Variants in NAV2 observed in about 807,000 individuals in gnomAD.
The protein encoded by NAV2 is neuron navigator 2.
Under a neutral mutation model 223.2 loss-of-function variants are expected in NAV2, and 54 were observed. That is an observed-to-expected ratio of 0.24 (90% CI 0.19 to 0.30). NAV2 has a LOEUF of 0.30. NAV2 is among the 10% of genes least tolerant of loss of function. NAV2 has a pLI of 1.00. For synonymous variants in NAV2, 1,279 were observed against 1,239.3 expected (o/e 1.03, Z -0.67); for missense variants, 2,806 against 3,147.5 (o/e 0.89, Z 2.60).
At chr11:19,903,502 G>A (rs368133978) in intron 6 of NAV2, among the ~76,000 whole-genome samples, 64 of 152,146 alleles carry the variant, frequency 4.2e-4, no homozygotes, top group South Asian at 2.1e-3. Flanking sequence ...CTTCATAAGA[G>A]CAAAGGTAAA....
rs984830878 is a variant in NAV2 at position 20,114,477 on chromosome 11, T to C, written c.6961-115T>C. The C allele has an allele frequency of 4.6e-6, 4 of 871,714 alleles. No individual in the cohort carries two copies. The African/African-American group carries it at 6.7e-5, about 14-fold the overall frequency. 54.0% of individuals were successfully genotyped at this position (871,714 alleles called of 1,614,324 possible). A position where few individuals can be genotyped will look rare whatever the true frequency, so the allele number is the denominator to read the frequency against. ...GAGCATGGAATAGAAGTGGAATTACTCCATCAGGGAAGGCATGATGCTGGA... is the reference window on the plus strand; with the variant it reads ...GAGCATGGAATAGAAGTGGAATTACCCCATCAGGGAAGGCATGATGCTGGA... On this transcript the variant is annotated intron_variant, in intron 36 of 37. Coordinates refer to ENST00000349880, the MANE Select transcript of NAV2 (RefSeq NM_145117.5).
At chr11:19,716,829 G>A (rs942224871) in intron 1 of NAV2, among the ~76,000 whole-genome samples, 1 of 152,082 alleles carries the variant, frequency 6.6e-6, no homozygotes, top group African/African-American at 2.4e-5. Context: ...CTTTCTATGT[G>A]CCAGGAATTG....
At chr11:19,385,090 C>T (rs1203635970) in intron 1 of NAV2, 1 of 152,134 alleles carries the variant, frequency 6.6e-6, no homozygotes, top group Non-Finnish European at 1.5e-5. Context: ...AGTTCCACAG[C>T]CTTGATAATA....
chr11:19,504,800 A>G (rs776698495), intron 1 of NAV2: 1 of 152,224 alleles, frequency 6.6e-6, no homozygotes. Context: ...AGGAAAAAGT[A>G]ATTCACATTT....
intron 1 of NAV2, among the ~76,000 whole-genome samples, chr11:19,732,310 C>T (rs552324593): frequency 4.0e-5 from 6 of 151,802 alleles, no homozygotes; most frequent in Non-Finnish European, 7.4e-5. Context: ...GCCTGGGTTT[C>T]AGCGCCATCT....
At chr11:19,372,802 G>A (rs1484478771) in intron 1 of NAV2, among the ~76,000 whole-genome samples, 1 of 152,188 alleles carries the variant, frequency 6.6e-6, no homozygotes, top group African/African-American at 2.4e-5. Flanking sequence ...TCAGCACTAC[G>A]CTCTAATTAT....
intron 1 of NAV2, among the ~76,000 whole-genome samples, chr11:19,553,142 G>A (rs1375578784): frequency 2.0e-5 from 3 of 152,200 alleles, no homozygotes; most frequent in Non-Finnish European, 4.4e-5. Flanking sequence ...GCCGGGCTCA[G>A]AAGGACTCTT....
chr11:19,865,293 G>T (rs1194192230), intron 3 of NAV2, among the ~76,000 whole-genome samples: 2 of 152,188 alleles, frequency 1.3e-5, no homozygotes, highest in South Asian at 4.1e-4. Flanking sequence ...TGCTGGGGCT[G>T]TTCCCCTCTT....
chr11:19,359,757 C>T (rs998861192), intron 1 of NAV2, among the ~76,000 whole-genome samples: 4 of 152,184 alleles, frequency 2.6e-5, no homozygotes, highest in Non-Finnish European at 5.9e-5. Flanking sequence ...TAAGGTTGTT[C>T]CTTTGAGTGT....
chr11:19,353,624 G>GCACTTTAC (rs1853449849), intron 1 of NAV2, among the ~76,000 whole-genome samples: 1 of 152,082 alleles, frequency 6.6e-6, no homozygotes. Context: ...AAGGACTTTG[G>GCACTTTAC]CACTTGGTAA....
Position 19,753,914 on chromosome 11 carries a change from G to A in NAV2, c.267+39952G>A, listed in dbSNP as rs570364344. 2.8e-4 allele frequency among the ~76,000 whole-genome samples: 43 copies of A among 152,304 alleles called. 1 individual carries two copies. Among genetic ancestry groups the A allele is most frequent in the African/African-American group, 9.9e-4 (41 of 41,558 alleles). On this transcript the variant is annotated intron_variant, in intron 1 of 37. Transcript: ENST00000349880. ...GGTGTATTTATTTGCTCAGAGGGAG[G>A]GTGGGGAGAAAGCTTGGTGGGTGGA...
chr11:19,681,412 T>C (rs2152226491), intron 1 of NAV2, among the ~76,000 whole-genome samples: 1 of 152,342 alleles, frequency 6.6e-6, no homozygotes, highest in South Asian at 2.1e-4. Context: ...CAGTTAGTGA[T>C]AGAGTTAGCG....
At chr11:19,354,136 C>T (rs1479306486) in intron 1 of NAV2, among the ~76,000 whole-genome samples, 4 of 152,196 alleles carry the variant, frequency 2.6e-5, no homozygotes, top group Non-Finnish European at 2.9e-5. Flanking sequence ...CAGTATTCAT[C>T]TATTCAAGAA....
chr11:19,524,652 G>A (rs2043787965), intron 1 of NAV2, among the ~76,000 whole-genome samples: 1 of 152,196 alleles, frequency 6.6e-6, no homozygotes, highest in Non-Finnish European at 1.5e-5. Flanking sequence ...AAAAGGGCCA[G>A]GCTTGTAACA....
chr11:19,635,044 C>T (rs1337991426), intron 1 of NAV2, among the ~76,000 whole-genome samples: 1 of 152,164 alleles, frequency 6.6e-6, no homozygotes, highest in Non-Finnish European at 1.5e-5. Context: ...ATGAAGTGGT[C>T]CTGCGCTGGT....
At chr11:19,905,506 C>T (rs1383546782) in intron 6 of NAV2, among the ~76,000 whole-genome samples, 2 of 152,178 alleles carry the variant, frequency 1.3e-5, no homozygotes, top group East Asian at 1.9e-4. Flanking sequence ...CCAGTAATTT[C>T]GACCTTGTAG....
At chr11:19,592,155 C>T (rs2046079405) in intron 1 of NAV2, among the ~76,000 whole-genome samples, 1 of 152,128 alleles carries the variant, frequency 6.6e-6, no homozygotes, top group South Asian at 2.1e-4. Flanking sequence ...TGATTTGTTG[C>T]TCATTCAGCG....
At chr11:20,010,034 T>C (rs1281415717) in intron 11 of NAV2, among the ~76,000 whole-genome samples, 1 of 152,186 alleles carries the variant, frequency 6.6e-6, no homozygotes, top group Non-Finnish European at 1.5e-5. Context: ...CAAGAACCTA[T>C]CTTGTTCACC....
Position 19,939,769 on chromosome 11 carries a change from C to T in NAV2, c.2142C>T (p.Leu714=). The change falls in exon 8 of 38, where the codon CTC becomes CTT. Residue 714 remains leucine, a synonymous_variant. Coordinates refer to ENST00000349880, the MANE Select transcript of NAV2 (RefSeq NM_145117.5). ...TKTGQPALEE[L]TGEDPEARRL... is the part of the protein sequence containing the mutation. ...CTGGACAGCCTGCTCTGGAAGAACTCACTGGTGAGTATGGAGCCTCAGAAA... is the reference window on the plus strand; with the variant it reads ...CTGGACAGCCTGCTCTGGAAGAACTTACTGGTGAGTATGGAGCCTCAGAAA... The T allele has an allele frequency of 1.2e-6, 2 of 1,612,942 alleles. No individual in the cohort carries two copies. The highest frequency in any genetic ancestry group is 1.7e-6 in the Non-Finnish European group (2 of 1,179,042).
Sources: gnomAD v4.1 joint callset for allele counts (sites outside exome capture counted in the v4.1 genomes callset) on GRCh38, gnomAD v4.1.1 for gene constraint, MANE v1.5 for transcripts, NCBI Gene and HGNC (gene_info 2026-07-23, HGNC 2026-07-21) for gene names.